Variants in NEBL observed in about 807,000 individuals in gnomAD.
The protein encoded by NEBL is LIM and SH3 protein 2.
A neutral mutation model predicts 140.2 loss-of-function variants in NEBL; 122 were observed. The ratio of observed to expected loss-of-function variants is 0.87; its 90% CI spans 0.75 to 1.01. NEBL has a LOEUF of 1.01. Ranked by LOEUF, NEBL falls within the 50% of genes least tolerant of loss-of-function variation. The probability of loss-of-function intolerance (pLI) is 0.00; values close to 1 mark genes in which losing one functional copy is unlikely to be tolerated. For synonymous variants in NEBL, 436 were observed against 398.9 expected (o/e 1.09, Z -1.11); for missense variants, 1,365 against 1,231.3 (o/e 1.11, Z -1.62).
chr10:20,832,677 A>G (rs1250141494), intron 14 of NEBL, among the ~76,000 whole-genome samples: 6 of 152,214 alleles, frequency 3.9e-5, no homozygotes, highest in African/African-American at 1.4e-4. Context: ...TTATGCTGAC[A>G]CACTCCAGAT....
At chr10:21,291,498 T>A (rs1843142169) in intron 1 of NEBL, among the ~76,000 whole-genome samples, 2 of 139,912 alleles carry the variant, frequency 1.4e-5, no homozygotes, top group Admixed American at 7.1e-5. Context: ...AGAGCAAGAC[T>A]CTGTCTAAAA....
chr10:21,271,843 G>A (rs994892137), intron 1 of NEBL, among the ~76,000 whole-genome samples: 7 of 152,008 alleles, frequency 4.6e-5, no homozygotes, highest in African/African-American at 1.7e-4. Context: ...GATCTTAAAT[G>A]TTCCCACCAC....
At position 21,235,552 on chromosome 10, in the gene NEBL, C is replaced by T. The variant is rs551045383; in HGVS notation, n.348+12369G>A. The stretch of plus-strand genomic sequence containing the variant: ...CTGGTCTCGAACTCCTGGCCTCCAG[C>T]GATGCAGCCACCTCAGCCTCCCAAA... On this transcript the variant is annotated intron_variant and non_coding_transcript_variant, in intron 3 of 8. Transcript: ENST00000675702. Among the ~76,000 whole-genome samples the T allele has an allele frequency of 2.9e-4, 44 of 152,190 alleles. 1 individual carries two copies. The highest frequency in any genetic ancestry group is 1.0e-3 in the African/African-American group (42 of 41,542).
intron 4 of NEBL, among the ~76,000 whole-genome samples, chr10:20,912,517 T>C (rs1227120765): frequency 2.6e-5 from 4 of 152,218 alleles, no homozygotes; most frequent in African/African-American, 4.8e-5. Flanking sequence ...ATTCTTCACA[T>C]GTTATCTGTT....
Position 20,928,721 on chromosome 10 carries a change from T to C in NEBL, c.357+32951A>G, listed in dbSNP as rs1239645221. 7.2e-5 allele frequency among the ~76,000 whole-genome samples: 11 copies of C among 152,260 alleles called. No homozygotes were observed. In the East Asian group the frequency reaches 2.1e-3, roughly 29 times the overall value. Reference sequence around the variant, plus strand: ...AATTATATCCCCTTCTTTCCACCCTTCTCTAGAACTTTGCTCCTGCTGTAA... The same window carrying C: ...AATTATATCCCCTTCTTTCCACCCTCCTCTAGAACTTTGCTCCTGCTGTAA... On this transcript the variant is annotated intron_variant, in intron 4 of 6. Coordinates refer to the NEBL transcript ENST00000417816.
intron 9 of NEBL, 79 bp downstream of exon 9, chr10:20,858,161 T>C (rs1157753616): frequency 3.6e-6 from 4 of 1,102,792 alleles, no homozygotes; most frequent in Non-Finnish European, 5.5e-6. Context: ...AGGAAGCAGG[T>C]GAGCACATGA....
At chr10:21,074,831 T>A (rs576536745) in intron 2 of NEBL, among the ~76,000 whole-genome samples, 2 of 151,650 alleles carry the variant, frequency 1.3e-5, no homozygotes, top group East Asian at 1.9e-4. Flanking sequence ...TGAGACAGGG[T>A]CTCACTCTGT....
chr10:21,118,509 A>G (rs1017079332), intron 2 of NEBL, among the ~76,000 whole-genome samples: 1 of 152,120 alleles, frequency 6.6e-6, no homozygotes, highest in African/African-American at 2.4e-5. Flanking sequence ...TTAATGTTCT[A>G]TTGACTTATA....
intron 4 of NEBL, among the ~76,000 whole-genome samples, chr10:20,933,320 T>C (rs1352317172): frequency 2.6e-5 from 4 of 152,182 alleles, no homozygotes; most frequent in African/African-American, 7.2e-5. Flanking sequence ...ACTAGTTTTT[T>C]CACAACAAAT....
chr10:21,085,711 T>G (rs1039297918), intron 2 of NEBL, among the ~76,000 whole-genome samples: 1 of 152,180 alleles, frequency 6.6e-6, no homozygotes, highest in African/African-American at 2.4e-5. Context: ...AAAGCAATTT[T>G]CTACATAAAT....
At chr10:21,070,099 T>C (rs959975182) in intron 2 of NEBL, 9 of 420,788 alleles carry the variant, frequency 2.1e-5, no homozygotes, top group African/African-American at 8.2e-5. Context: ...TATCCACTAG[T>C]AGCTGCAGGG....
chr10:21,246,224 T>C (rs1400531007), intron 3 of NEBL, among the ~76,000 whole-genome samples: 4 of 152,224 alleles, frequency 2.6e-5, no homozygotes, highest in Non-Finnish European at 5.9e-5. Flanking sequence ...AAAATATTTG[T>C]TCTACCAAGT....
At chr10:21,164,221 A>G (rs1218943295) in intron 2 of NEBL, among the ~76,000 whole-genome samples, 1 of 152,236 alleles carries the variant, frequency 6.6e-6, no homozygotes, top group African/African-American at 2.4e-5. Flanking sequence ...CTAAAAGCCA[A>G]GGTCTTCCTA....
intron 2 of NEBL, among the ~76,000 whole-genome samples, chr10:21,122,441 C>A (rs117850894): frequency 6.6e-6 from 1 of 152,160 alleles, no homozygotes; most frequent in Non-Finnish European, 1.5e-5. Context: ...CACTTCATTT[C>A]CTTCTCTCCT....
At chr10:20,799,694 A>G (rs879392981) in intron 26 of NEBL, among the ~76,000 whole-genome samples, 20 of 152,184 alleles carry the variant, frequency 1.3e-4, no homozygotes, top group Admixed American at 5.2e-4. Flanking sequence ...TTGGGGAGTG[A>G]TCTTGAAGGG....
chr10:21,053,633 G>A (rs139378482), intron 2 of NEBL, among the ~76,000 whole-genome samples: 117 of 152,236 alleles, frequency 7.7e-4, no homozygotes, highest in African/African-American at 2.4e-3. Flanking sequence ...TCCCCAAGAA[G>A]TTATGAAAAT....
intron 1 of NEBL, among the ~76,000 whole-genome samples, chr10:21,255,607 T>C (rs1302451353): frequency 2.0e-5 from 3 of 152,184 alleles, no homozygotes; most frequent in South Asian, 4.1e-4. Flanking sequence ...CTGGACAACA[T>C]CATCGTAGGA....
At chr10:21,223,674 G>A (rs2132247377) in intron 3 of NEBL, among the ~76,000 whole-genome samples, 1 of 152,280 alleles carries the variant, frequency 6.6e-6, no homozygotes, top group Admixed American at 6.5e-5. Flanking sequence ...AATAGTGTAT[G>A]AGGGTTCCCT....
At chr10:20,925,172 G>C (rs1833833815) in intron 4 of NEBL, among the ~76,000 whole-genome samples, 1 of 152,034 alleles carries the variant, frequency 6.6e-6, no homozygotes, top group African/African-American at 2.4e-5. Context: ...AATACTCTCT[G>C]CACATACTCA....
Sources: allele counts gnomAD v4.1 joint callset (sites outside exome capture counted in the v4.1 genomes callset), GRCh38; gene constraint gnomAD v4.1.1; transcripts MANE v1.5; gene names NCBI Gene and HGNC (gene_info 2026-07-23, HGNC 2026-07-21).